Variants in CBX5 observed in about 807,000 individuals in gnomAD.
CBX5 encodes chromobox 5, also known as chromobox protein homolog 5.
Under a neutral mutation model 20.7 loss-of-function variants are expected in CBX5, and 7 were observed. The observed-to-expected ratio is 0.34, with a 90% CI of 0.19 to 0.63. The LOEUF (loss-of-function observed/expected upper bound fraction) is 0.63, where lower values mean the gene tolerates loss of function less well. Among genes scored for constraint, CBX5 ranks in the 30% least tolerant of loss-of-function variants. The pLI is 0.75. For missense variants in CBX5, 110 were observed against 224.1 expected, an observed-to-expected ratio of 0.49 and a Z score of 3.25; for synonymous variants, 78 against 77.0, an observed-to-expected ratio of 1.01 and a Z score of -0.07.
intron 3 of CBX5, among the ~76,000 whole-genome samples, chr12:54,250,811 CAAAAAAAAAAAAAAAAAAAA>C (rs1164585269): frequency 2.0e-4 from 8 of 39,350 alleles, no homozygotes; most frequent in Admixed American, 9.2e-4. Flanking sequence ...GACTCCGTCT[CAAAAAAAAAAAAAAAAAAAA>C]AAAAAAAAAA....
Position 54,236,123 on chromosome 12 carries a change from A to G in CBX5, c.*5632T>C, listed in dbSNP as rs1943619142. 6.6e-6 allele frequency: 1 copy of G among 152,204 alleles called. No individual in the cohort carries two copies. Among genetic ancestry groups the G allele is most frequent in the South Asian group, 2.1e-4 (1 of 4,824 alleles). 9.4% of individuals were successfully genotyped at this position (152,204 alleles called of 1,614,324 possible). ...TAGGTCTTTTCCACATATAGGCCGA[A>G]ATTAATGTCAACTTCTTACTCCAGG... On this transcript the variant is annotated 3_prime_UTR_variant, in exon 5 of 5. Coordinates refer to ENST00000209875, the MANE Select transcript of CBX5 (RefSeq NM_012117.3).
chr12:54,245,566 C>A (rs1260556353), intron 4 of CBX5, among the ~76,000 whole-genome samples: 1 of 151,580 alleles, frequency 6.6e-6, no homozygotes, highest in Non-Finnish European at 1.5e-5. Context: ...CCGAGGCAGG[C>A]GGATTACTTG....
chr12:54,267,661 G>A (rs564035147), intron 1 of CBX5, among the ~76,000 whole-genome samples: 46 of 152,064 alleles, frequency 3.0e-4, no homozygotes, highest in African/African-American at 8.4e-4. Flanking sequence ...ACAGGCGCCC[G>A]CCACCACGCC....
chr12:54,252,296 C>T, intron 2 of CBX5, 69 bp from the exon 3 acceptor site: 2 of 1,117,582 alleles, frequency 1.8e-6, no homozygotes, highest in South Asian at 3.1e-5. Flanking sequence ...AAATCCAATG[C>T]CTTATTTCAA....
intron 3 of CBX5, 23 bp from the exon 4 acceptor site, chr12:54,246,238 G>T: frequency 6.4e-7 from 1 of 1,555,724 alleles, no homozygotes; most frequent in Non-Finnish European, 8.9e-7. Flanking sequence ...GATAAAGAAA[G>T]GTTACAGCTT....
At chr12:54,273,909 TA>T (rs1483369930) in intron 1 of CBX5, 2 of 152,196 alleles carry the variant, frequency 1.3e-5, no homozygotes, top group Non-Finnish European at 1.5e-5. Flanking sequence ...AAAGTGGACA[TA>T]TATAAAACAT....
At chr12:54,254,361 T>G (rs536405263) in intron 2 of CBX5, among the ~76,000 whole-genome samples, 2 of 150,920 alleles carry the variant, frequency 1.3e-5, no homozygotes, top group South Asian at 4.2e-4. Flanking sequence ...AAAGGTTTAT[T>G]TAGATGGGAA....
chr12:54,266,672 A>G lies in CBX5; in HGVS notation c.-42-8980T>C, dbSNP rs183104514. Among the ~76,000 whole-genome samples the G allele has an allele frequency of 4.5e-3, 682 of 152,338 alleles. 6 individuals are homozygous for G. The highest frequency in any genetic ancestry group is 0.016 in the African/African-American group (652 of 41,584). Reference sequence around the variant, plus strand: ...CTGATTACCAATATATTACAAATGAATGTGGGCTACAAGACTCAATTTTCA... The same window carrying G: ...CTGATTACCAATATATTACAAATGAGTGTGGGCTACAAGACTCAATTTTCA... On this transcript the variant is annotated intron_variant, in intron 1 of 4. Coordinates refer to ENST00000209875, the MANE Select transcript of CBX5 (RefSeq NM_012117.3).
At position 54,231,357 on chromosome 12, in the gene CBX5, C is replaced by T. The variant is rs1177205517; in HGVS notation, c.*10398G>A. ...AGGAAGTGGTGGGAAAGCCAGCGGA[C>T]CATGGGCAAGTCAACTCCTGGCTAC... On this transcript the variant is annotated 3_prime_UTR_variant, in exon 5 of 5. Coordinates refer to ENST00000209875, the MANE Select transcript of CBX5 (RefSeq NM_012117.3). The T allele has an allele frequency of 6.5e-6, 1 of 154,692 alleles. No individual in the cohort carries two copies. The highest frequency in any genetic ancestry group is 1.5e-5 in the Non-Finnish European group (1 of 68,132). 9.6% of individuals were successfully genotyped at this position (154,692 alleles called of 1,614,324 possible).
At chr12:54,273,514 C>T (rs1355203903) in intron 1 of CBX5, 1 of 152,166 alleles carries the variant, frequency 6.6e-6, no homozygotes, top group Non-Finnish European at 1.5e-5. Flanking sequence ...TTTAAATCTG[C>T]TCTCTCAGGT....
In CBX5 at chr12:54,235,444, C is replaced by T. The variant is rs1943610217; in HGVS notation, c.*6311G>A. 1 of 152,228 alleles carries T rather than the reference C, an allele frequency of 6.6e-6. No homozygotes were observed. Among genetic ancestry groups the T allele is most frequent in the South Asian group, 2.1e-4 (1 of 4,832 alleles). The allele number at this position is 152,228 out of a possible 1,614,324, so 9.4% of individuals were successfully genotyped here. A position where few individuals can be genotyped will look rare whatever the true frequency, so the allele number is the denominator to read the frequency against. ...CCTGGCTAACAAGGTGAAACCCCGT[C>T]TCTACTAAAAATACAAAAAATTAGC... On this transcript the variant is annotated 3_prime_UTR_variant, in exon 5 of 5. Transcript: ENST00000209875.
Position 54,236,008 on chromosome 12 carries a change from A to G in CBX5, c.*5747T>C, listed in dbSNP as rs905371632. 1.3e-5 allele frequency: 2 copies of G among 152,358 alleles called. No individual in the cohort carries two copies. The highest frequency in any genetic ancestry group is 3.4e-3 in the Middle Eastern group (1 of 294). The allele number at this position is 152,358 out of a possible 1,614,324, so 9.4% of individuals were successfully genotyped here. The stretch of plus-strand genomic sequence containing the variant: ...AACTCACCTGTTTTCTCTCTCAGTA[A>G]TAACAGCATTTCCAACCCTCCAGCT... On this transcript the variant is annotated 3_prime_UTR_variant, in exon 5 of 5. Coordinates refer to ENST00000209875, the MANE Select transcript of CBX5 (RefSeq NM_012117.3).
At chr12:54,256,392 T>C (rs1436734355) in intron 2 of CBX5, among the ~76,000 whole-genome samples, 1 of 152,164 alleles carries the variant, frequency 6.6e-6, no homozygotes, top group Non-Finnish European at 1.5e-5. Flanking sequence ...GCATGAATGA[T>C]CCCACCTACA....
In CBX5 at chr12:54,238,271, A is replaced by C. The variant is rs539039424; in HGVS notation, c.*3484T>G. The C allele has an allele frequency of 6.6e-6, 1 of 152,348 alleles. No homozygotes were observed. The highest frequency in any genetic ancestry group is 2.4e-5 in the African/African-American group (1 of 41,584). The allele number at this position is 152,348 out of a possible 1,614,324, so 9.4% of individuals were successfully genotyped here. On this transcript the variant is annotated 3_prime_UTR_variant, in exon 5 of 5. Transcript: ENST00000209875. ...GACAGACAATCACTTTGGAATTCTG[A>C]GACTACCTCCAAGAATCATCCACGG...
intron 1 of CBX5, among the ~76,000 whole-genome samples, 161 bp from the exon 2 acceptor site, chr12:54,257,853 T>C (rs1215468541): frequency 6.6e-6 from 1 of 152,242 alleles, no homozygotes; most frequent in Non-Finnish European, 1.5e-5. Context: ...AATTTAAAAA[T>C]GAATCAGTCT....
intron 1 of CBX5, among the ~76,000 whole-genome samples, chr12:54,263,868 CCT>C (rs1943935678): frequency 6.6e-6 from 1 of 151,514 alleles, no homozygotes; most frequent in Non-Finnish European, 1.5e-5. Context: ...ATGGTGAAAC[CCT>C]GTCTCTACTA....
intron 1 of CBX5, among the ~76,000 whole-genome samples, chr12:54,260,866 G>A (rs1009120260): frequency 1.3e-5 from 2 of 152,092 alleles, no homozygotes; most frequent in Non-Finnish European, 2.9e-5. Flanking sequence ...GCTGCCATAG[G>A]AGAGTAAGAA....
intron 1 of CBX5, among the ~76,000 whole-genome samples, chr12:54,261,833 T>C (rs1263065729): frequency 6.6e-6 from 1 of 152,168 alleles, no homozygotes; most frequent in Non-Finnish European, 1.5e-5. Flanking sequence ...AAATCTGTAC[T>C]ACCTGCCCTA....
Position 54,250,811 on chromosome 12 carries a change from CAAAAAAAAAAAAAAAAAA to C in CBX5, c.324+1212_324+1229del, listed in dbSNP as rs1164585269. On this transcript the variant is annotated intron_variant, in intron 3 of 4. Coordinates refer to ENST00000209875, the MANE Select transcript of CBX5 (RefSeq NM_012117.3). ...TGTGCGACAGAGCGAGACTCCGTCT[CAAAAAAAAAAAAAAAAAA>C]AAAAAAAAAAAAAAAGAAAGGGCCG... 9.1e-4 allele frequency among the ~76,000 whole-genome samples: 36 copies of C among 39,350 alleles called. No homozygotes were observed. In the South Asian group the frequency reaches 0.032, roughly 35 times the overall value. The allele number at this position is 39,350 out of a possible 152,430, so 25.8% of individuals were successfully genotyped here. A position where few individuals can be genotyped will look rare whatever the true frequency, so the allele number is the denominator to read the frequency against.
Sources: allele counts gnomAD v4.1 joint callset (sites outside exome capture counted in the v4.1 genomes callset), GRCh38; gene constraint gnomAD v4.1.1; transcripts MANE v1.5; gene names NCBI Gene and HGNC (gene_info 2026-07-23, HGNC 2026-07-21).